Variants in GLI2 observed in about 807,000 individuals in gnomAD.
The protein encoded by GLI2 is GLI family zinc finger 2, also known as transcription activator GLI2.
A neutral mutation model predicts 78.9 loss-of-function variants in GLI2; 22 were observed. The observed-to-expected ratio is 0.28, with a 90% CI of 0.20 to 0.40. The LOEUF is 0.40. GLI2 is among the 10% of genes least tolerant of loss of function. GLI2 has a pLI of 1.00. For synonymous variants in GLI2, 974 were observed against 963.7 expected, an observed-to-expected ratio of 1.01 and a Z score of -0.20; for missense variants, 2,097 against 2,213.2, an observed-to-expected ratio of 0.95 and a Z score of 1.05.
At chr2:120,969,092 T>G (rs1165768138) in intron 6 of GLI2, among the ~76,000 whole-genome samples, 177 bp downstream of exon 6, 3 of 152,214 alleles carry the variant, frequency 2.0e-5, no homozygotes, top group South Asian at 2.1e-4. Context: ...ATGATCAAAT[T>G]GAAATGAGCC....
chr2:120,975,698 G>A (rs796892385), intron 9 of GLI2, among the ~76,000 whole-genome samples: 38 of 152,270 alleles, frequency 2.5e-4, no homozygotes, highest in African/African-American at 9.1e-4. Context: ...GGGAGCCGGC[G>A]AGACCTTCAG....
At chr2:120,973,320 G>A (rs1682285488) in intron 8 of GLI2, among the ~76,000 whole-genome samples, 1 of 152,224 alleles carries the variant, frequency 6.6e-6, no homozygotes, top group African/African-American at 2.4e-5. Flanking sequence ...GAAAGGCAAG[G>A]ACAGGGCCGG....
At chr2:120,850,745 G>T (rs1401217870) in intron 2 of GLI2, among the ~76,000 whole-genome samples, 1 of 152,198 alleles carries the variant, frequency 6.6e-6, no homozygotes, top group Admixed American at 6.5e-5. Flanking sequence ...GCCTTTGGAG[G>T]ATCGGGAGCT....
chr2:120,822,517 A>G (rs1685829797), intron 2 of GLI2, among the ~76,000 whole-genome samples: 1 of 152,320 alleles, frequency 6.6e-6, no homozygotes, highest in Non-Finnish European at 1.5e-5. Flanking sequence ...CATGTGGCTG[A>G]AGGTCACAAG....
At chr2:120,766,119 G>A (rs780703675) in intron 1 of GLI2, among the ~76,000 whole-genome samples, 3 of 152,190 alleles carry the variant, frequency 2.0e-5, no homozygotes, top group East Asian at 1.9e-4. Flanking sequence ...AGGTTCACGC[G>A]GCAAGGCTGG....
chr2:120,799,187 G>T (rs1684564224), intron 2 of GLI2, among the ~76,000 whole-genome samples: 2 of 152,172 alleles, frequency 1.3e-5, no homozygotes, highest in Admixed American at 1.3e-4. Context: ...GCGGGAGTAG[G>T]GGCCAGGCAG....
chr2:120,910,919 CTGGCCTTG>C (rs770513535), intron 2 of GLI2, among the ~76,000 whole-genome samples: 30 of 152,270 alleles, frequency 2.0e-4, no homozygotes, highest in Non-Finnish European at 3.2e-4. Context: ...AATACCAAGG[CTGGCCTTG>C]TGTTTCCTGG....
At chr2:120,838,774 C>T (rs1686731363) in intron 2 of GLI2, among the ~76,000 whole-genome samples, 1 of 152,208 alleles carries the variant, frequency 6.6e-6, no homozygotes, top group Admixed American at 6.5e-5. Flanking sequence ...TTTAGATATA[C>T]AAATCCTTAC....
chr2:120,824,489 G>C (rs377460010), intron 2 of GLI2, among the ~76,000 whole-genome samples: 1 of 152,178 alleles, frequency 6.6e-6, no homozygotes, highest in Non-Finnish European at 1.5e-5. Flanking sequence ...TTACGTTCAC[G>C]AGCGCTGGGG....
At chr2:120,912,461 A>G (rs985644611) in intron 2 of GLI2, among the ~76,000 whole-genome samples, 3 of 152,020 alleles carry the variant, frequency 2.0e-5, no homozygotes, top group Non-Finnish European at 4.4e-5. Context: ...CTTCCCACGG[A>G]TTCATGGACT....
chr2:120,868,218 G>C (rs940061467), intron 2 of GLI2, among the ~76,000 whole-genome samples: 16 of 152,310 alleles, frequency 1.1e-4, no homozygotes, highest in African/African-American at 3.9e-4. Flanking sequence ...GCGAGTCCCA[G>C]CTCACGGTTA....
At chr2:120,933,856 G>GCCCTGCCCTGCCCTGCCCTGC (rs1680064984) in intron 3 of GLI2, among the ~76,000 whole-genome samples, 1 of 131,630 alleles carries the variant, frequency 7.6e-6, no homozygotes, top group African/African-American at 3.3e-5. Context: ...GCCCTGCCCT[G>GCCCTGCCCTGCCCTGCCCTGC]CCCTGCCCTG....
intron 1 of GLI2, among the ~76,000 whole-genome samples, chr2:120,760,996 G>A (rs1683196612): frequency 6.6e-6 from 1 of 152,226 alleles, no homozygotes. Flanking sequence ...GTGGGAAGGA[G>A]AGCAGAGTGG....
At chr2:120,986,709 C>T (rs1014505281) in intron 13 of GLI2, 95 bp downstream of exon 13, 14 of 964,432 alleles carry the variant, frequency 1.5e-5, no homozygotes, top group Admixed American at 6.1e-5. Context: ...GCTATCTCAC[C>T]GGATTCCTAC....
chr2:120,830,727 C>A (rs1686318465), intron 2 of GLI2, among the ~76,000 whole-genome samples: 1 of 152,176 alleles, frequency 6.6e-6, no homozygotes, highest in Non-Finnish European at 1.5e-5. Context: ...CATGGCTGGA[C>A]CTGTGAGACT....
chr2:120,829,112 G>A (rs1225718883), intron 2 of GLI2, among the ~76,000 whole-genome samples: 4 of 152,042 alleles, frequency 2.6e-5, no homozygotes, highest in Non-Finnish European at 4.4e-5. Flanking sequence ...ACCCATGCAC[G>A]CACTCACTGT....
At chr2:120,942,959 T>C (rs1489431681) in intron 3 of GLI2, among the ~76,000 whole-genome samples, 1 of 150,582 alleles carries the variant, frequency 6.6e-6, no homozygotes, top group East Asian at 1.9e-4. Context: ...CATTCATTCA[T>C]TCGTTCACGC....
intron 2 of GLI2, among the ~76,000 whole-genome samples, chr2:120,822,563 T>A (rs1345710906): frequency 6.6e-6 from 1 of 152,172 alleles, no homozygotes; most frequent in Non-Finnish European, 1.5e-5. Flanking sequence ...AATCACCTGT[T>A]TACTATTTTT....
chr2:120,793,415 G>T (rs1316920024), intron 1 of GLI2, among the ~76,000 whole-genome samples: 2 of 152,220 alleles, frequency 1.3e-5, no homozygotes, highest in Non-Finnish European at 2.9e-5. Flanking sequence ...CCTCCCTGCT[G>T]TCCCCAGGCA....
Sources: allele counts gnomAD v4.1 joint callset (sites outside exome capture counted in the v4.1 genomes callset), GRCh38; gene constraint gnomAD v4.1.1; transcripts MANE v1.5; gene names NCBI Gene and HGNC (gene_info 2026-07-23, HGNC 2026-07-21).